Variants in WRNIP1 observed in about 807,000 individuals in gnomAD.
WRNIP1 encodes the protein ATPase WRNIP1.
In WRNIP1, 41 loss-of-function variants were observed where a neutral mutation model predicts 56.1. That is an observed-to-expected ratio of 0.73 (90% CI 0.57 to 0.95). The LOEUF (loss-of-function observed/expected upper bound fraction) is 0.95, where lower values mean the gene tolerates loss of function less well. Ranked by LOEUF, WRNIP1 falls within the 40% of genes least tolerant of loss-of-function variation. The pLI, the probability that WRNIP1 is intolerant of heterozygous loss-of-function variation, is 0.00. For synonymous variants in WRNIP1, 547 were observed against 398.1 expected (o/e 1.37, Z -4.45); for missense variants, 1,170 against 939.4 (o/e 1.25, Z -3.21).
At chr6:2,766,944 C>T (rs540550851) in intron 1 of WRNIP1, among the ~76,000 whole-genome samples, 2 of 152,214 alleles carry the variant, frequency 1.3e-5, no homozygotes, top group African/African-American at 4.8e-5. Context: ...GGTATTTATT[C>T]TTAAGAATAA....
rs1398109680 is a variant in WRNIP1 at position 2,768,675 on chromosome 6, A to G, written c.823-16A>G. 2.5e-6 allele frequency: 4 copies of G among 1,584,940 alleles called. No homozygotes were observed. Among genetic ancestry groups the G allele is most frequent in the African/African-American group, 1.4e-5 (1 of 73,690 alleles). On this transcript the variant is annotated splice_polypyrimidine_tract_variant and intron_variant, in intron 1 of 6. Transcript: ENST00000380773. Reference sequence around the variant, plus strand: ...CTTACCAGCTTTTCAAACTCCATGTATGTCATCTTTTCTAGACCACTCTGG... The same window carrying G: ...CTTACCAGCTTTTCAAACTCCATGTGTGTCATCTTTTCTAGACCACTCTGG...
chr6:2,773,426 C>T (rs1404246746), intron 3 of WRNIP1: 2 of 985,254 alleles, frequency 2.0e-6, no homozygotes, highest in Admixed American at 6.2e-5. Flanking sequence ...TGAGGGGATG[C>T]GGAGTTGAGT....
chr6:2,777,860 C>G (rs554546658), intron 3 of WRNIP1, among the ~76,000 whole-genome samples: 1 of 152,108 alleles, frequency 6.6e-6, no homozygotes, highest in African/African-American at 2.4e-5. Flanking sequence ...GAAGATGGGT[C>G]TCCAGGCTGC....
intron 3 of WRNIP1, chr6:2,773,327 A>G: frequency 1.0e-6 from 1 of 985,446 alleles, no homozygotes; most frequent in Non-Finnish European, 1.2e-6. Context: ...GAGCAGGTCC[A>G]CTTCCAGTGC....
intron 4 of WRNIP1, among the ~76,000 whole-genome samples, chr6:2,783,076 C>G (rs1208205888): frequency 5.6e-5 from 1 of 17,826 alleles, no homozygotes; most frequent in Non-Finnish European, 7.2e-4. Flanking sequence ...GAACAGAAGA[C>G]TCGTCCCCCT....
rs559554119 is a variant in WRNIP1 at position 2,777,115 on chromosome 6, T to C, written c.1257-2148T>C. Among the ~76,000 whole-genome samples, 12 of 152,264 alleles carry C rather than the reference T, an allele frequency of 7.9e-5. No individual in the cohort carries two copies. The East Asian group carries it at 1.9e-3, about 25-fold the overall frequency. On this transcript the variant is annotated intron_variant, in intron 3 of 6. Coordinates refer to ENST00000380773, the MANE Select transcript of WRNIP1 (RefSeq NM_020135.3). ...AGTAGCTTTCATTCTGCTGGAAATATCAAGTACATTTTTATCTCTCAGTGC... is the reference window on the plus strand; with the variant it reads ...AGTAGCTTTCATTCTGCTGGAAATACCAAGTACATTTTTATCTCTCAGTGC...
Position 2,766,063 on chromosome 6 carries a change from C to G in WRNIP1, c.441C>G (p.Ala147=), listed in dbSNP as rs1167626337. The change falls in exon 1 of 7, where the codon GCC becomes GCG. Residue 147 remains alanine (A), a synonymous_variant. Coordinates refer to ENST00000380773, the MANE Select transcript of WRNIP1 (RefSeq NM_020135.3). ...KGSGKRPAAA[A]AAGSASPRSW... Reference sequence around the variant, plus strand: ...CGGGGAAGAGGCCGGCGGCCGCCGCCGCGGCGGGGAGCGCGTCTCCGCGCA... The same window carrying G: ...CGGGGAAGAGGCCGGCGGCCGCCGCGGCGGCGGGGAGCGCGTCTCCGCGCA... 7.7e-7 allele frequency: 1 copy of G among 1,293,130 alleles called. No individual in the cohort carries two copies. The highest frequency in any genetic ancestry group is 9.8e-7 in the Non-Finnish European group (1 of 1,025,070). The allele number at this position is 1,293,130 out of a possible 1,614,324, so 80.1% of individuals were successfully genotyped here. A position where few individuals can be genotyped will look rare whatever the true frequency, so the allele number is the denominator to read the frequency against.
chr6:2,766,588 C>T (rs1457137473), intron 1 of WRNIP1, 144 bp downstream of exon 1: 41 of 1,365,158 alleles, frequency 3.0e-5, no homozygotes, highest in East Asian at 2.7e-5. Context: ...TGGGCTGGGG[C>T]AGTGCCTGGT....
rs192963627 is a variant in WRNIP1 at position 2,775,437 on chromosome 6, T to C, written c.1257-3826T>C. On this transcript the variant is annotated intron_variant, in intron 3 of 6. Coordinates refer to ENST00000380773, the MANE Select transcript of WRNIP1 (RefSeq NM_020135.3). Reference sequence around the variant, plus strand: ...GGTTGAAACTTCTACACAGCAGTTATCACCCTGACCATGAAATGTTCCTTT... The same window carrying C: ...GGTTGAAACTTCTACACAGCAGTTACCACCCTGACCATGAAATGTTCCTTT... Among the ~76,000 whole-genome samples, 4 of 152,250 alleles carry C rather than the reference T, an allele frequency of 2.6e-5. No individual in the cohort carries two copies. The East Asian group carries it at 7.7e-4, about 29-fold the overall frequency.
intron 3 of WRNIP1, chr6:2,774,090 G>C (rs1168877498): frequency 1.0e-6 from 1 of 985,302 alleles, no homozygotes; most frequent in African/African-American, 1.7e-5. Context: ...TGGAACTCCA[G>C]AATACAAGGG....
chr6:2,777,923 G>T (rs1765469800), intron 3 of WRNIP1, among the ~76,000 whole-genome samples: 1 of 152,208 alleles, frequency 6.6e-6, no homozygotes, highest in Non-Finnish European at 1.5e-5. Flanking sequence ...AGAGTCATTT[G>T]TTGTAAAGCT....
chr6:2,768,720 C>A lies in WRNIP1; in HGVS notation c.852C>A (p.Asn284Lys), dbSNP rs1385426786. 1 of 1,611,900 alleles carries A rather than the reference C, an allele frequency of 6.2e-7. No homozygotes were observed. The highest frequency in any genetic ancestry group is 8.5e-7 in the Non-Finnish European group (1 of 1,178,932). Reference sequence around the variant, plus strand: ...CTCTGGCTCACATCATAGCCAGCAACAGCAAGAAACATAGCATAAGGTTTG... The same window carrying A: ...CTCTGGCTCACATCATAGCCAGCAAAAGCAAGAAACATAGCATAAGGTTTG... ...KTTLAHIIAS[N>K]SKKHSIRFVT... The change falls in exon 2 of 7, where the codon AAC becomes AAA. Residue 284 changes from asparagine (N) to lysine (K), a missense_variant. Asn to Lys is a moderately conservative substitution (Grantham distance 94). Transcript: ENST00000380773.
rs747480656 is a variant in WRNIP1, at chr6:2,766,240, C to T, written c.618C>T (p.Gly206=). The change falls in exon 1 of 7, where the codon GGC becomes GGT. Residue 206 remains glycine, a synonymous_variant. Coordinates refer to ENST00000380773, the MANE Select transcript of WRNIP1 (RefSeq NM_020135.3). ...CCGCCTTCGGGGCCAGTGGCGGGGGCCGCCCGCACCCCCGGGCGCTGGCTG... is the reference window on the plus strand; with the variant it reads ...CCGCCTTCGGGGCCAGTGGCGGGGGTCGCCCGCACCCCCGGGCGCTGGCTG... The part of the protein sequence containing the change: ...AATAFGASGG[G]RPHPRALAAE... 6.1e-6 allele frequency: 9 copies of T among 1,464,818 alleles called. No homozygotes were observed. In the East Asian group the frequency reaches 1.6e-4, roughly 26 times the overall value. The allele number at this position is 1,464,818 out of a possible 1,614,324, so 90.7% of individuals were successfully genotyped here.
At position 2,765,925 on chromosome 6, in the gene WRNIP1, C is replaced by T. The variant is rs1282475818; in HGVS notation, c.303C>T (p.Asp101=). The T allele has an allele frequency of 1.5e-5, 22 of 1,452,172 alleles. No homozygotes were observed. The highest frequency in any genetic ancestry group is 2.0e-5 in the Non-Finnish European group (22 of 1,103,604). The allele number at this position is 1,452,172 out of a possible 1,614,324, so 90.0% of individuals were successfully genotyped here. A position where few individuals can be genotyped will look rare whatever the true frequency, so the allele number is the denominator to read the frequency against. Residue 101 remains aspartate (D), a synonymous_variant, in exon 1 of 7, where the codon GAC becomes GAT. Coordinates refer to ENST00000380773, the MANE Select transcript of WRNIP1 (RefSeq NM_020135.3). ...AGGGCGAGGGTGAGGAGGGCGACGA[C>T]GGCGGCGAGACCGAGAGCCGCGAGA... The part of the protein sequence containing the change: ...SSEGEGEEGD[D]GGETESRESY...
rs78197478 is a variant in WRNIP1, at chr6:2,766,396, C to G, written c.774C>G (p.Thr258=). The change falls in exon 1 of 7, where the codon ACC becomes ACG. Residue 258 remains threonine, a synonymous_variant. Coordinates refer to ENST00000380773, the MANE Select transcript of WRNIP1 (RefSeq NM_020135.3). ...CCCTGCTGCGCTCGCTCCTGGAGAC[C>G]AACGAAATCCCCTCGCTTATCCTGT... ...QDTLLRSLLE[T]NEIPSLILWG... is the part of the protein sequence containing the mutation. 1.2e-3 allele frequency: 1,975 copies of G among 1,606,456 alleles called. 3 individuals carry two copies. The highest frequency in any genetic ancestry group is 1.5e-3 in the Non-Finnish European group (1,821 of 1,176,612).
At position 2,783,421 on chromosome 6, in the gene WRNIP1, A is replaced by T. The variant is rs778611720; in HGVS notation, c.1502A>T (p.Asn501Ile). The change falls in exon 5 of 7, where the codon AAC becomes ATC. Residue 501 changes from asparagine (N) to isoleucine (I), a missense_variant. Transcript: ENST00000380773. ...GTGATGTCAGGTGAGGAGCATTACA[A>T]CTGCATCTCCGCCCTGCACAAGTCC... ...LYDRAGEEHYNCISALHKSMR... is the reference protein window; with the variant it reads ...LYDRAGEEHYICISALHKSMR... 1 of 1,604,424 alleles carries T rather than the reference A, an allele frequency of 6.2e-7. No individual in the cohort carries two copies. Among genetic ancestry groups the T allele is most frequent in the Admixed American group, 1.7e-5 (1 of 59,304 alleles).
At position 2,785,338 on chromosome 6, in the gene WRNIP1, A is replaced by G. The variant is rs1422562635; in HGVS notation, c.*56A>G. On this transcript the variant is annotated 3_prime_UTR_variant, in exon 7 of 7. Coordinates refer to ENST00000380773, the MANE Select transcript of WRNIP1 (RefSeq NM_020135.3). ...GCTTTTTTAAGGGAGGGCCAGAAAG[A>G]AAGTTAGTGGATTGCAAAGTTGGTT... The G allele has an allele frequency of 6.3e-7, 1 of 1,579,966 alleles. No individual in the cohort carries two copies. Among genetic ancestry groups the G allele is most frequent in the Admixed American group, 1.7e-5 (1 of 57,906 alleles).
rs953662968 is a variant in WRNIP1, at chr6:2,779,579, C to T, written c.1486+87C>T. ...CATTTCCGGAAGCCTGACTGGGTTC[C>T]GGAAGCATTCCAGCTGGGTCCAGAG... On this transcript the variant is annotated intron_variant, in intron 4 of 6. Coordinates refer to ENST00000380773, the MANE Select transcript of WRNIP1 (RefSeq NM_020135.3). 1.6e-5 allele frequency: 22 copies of T among 1,389,508 alleles called. No individual in the cohort carries two copies. In the Admixed American group the frequency reaches 1.8e-4, roughly 12 times the overall value. The allele number at this position is 1,389,508 out of a possible 1,614,324, so 86.1% of individuals were successfully genotyped here.
Position 2,785,294 on chromosome 6 carries a change from A to C in WRNIP1, c.*12A>C. 1 of 1,609,250 alleles carries C rather than the reference A, an allele frequency of 6.2e-7. No homozygotes were observed. The highest frequency in any genetic ancestry group is 1.7e-4 in the Middle Eastern group (1 of 6,008). On this transcript the variant is annotated 3_prime_UTR_variant, in exon 7 of 7. Transcript: ENST00000380773. ...AGAGGAGGTGCTGACTCCTCAGGGC[A>C]CGACAGCAGAAGGATGTTGCTTTTT...
Sources: allele counts gnomAD v4.1 joint callset (sites outside exome capture counted in the v4.1 genomes callset), GRCh38; gene constraint gnomAD v4.1.1; transcripts MANE v1.5; gene names NCBI Gene and HGNC (gene_info 2026-07-23, HGNC 2026-07-21).